Variants in SYN3 observed in about 807,000 individuals in gnomAD.
The protein encoded by SYN3 is synapsin-3.
In SYN3, 35 loss-of-function variants were observed where a neutral mutation model predicts 65.8. The ratio of observed to expected loss-of-function variants is 0.53; its 90% confidence interval spans 0.41 to 0.70. The LOEUF (loss-of-function observed/expected upper bound fraction) is 0.70. Ranked by LOEUF, SYN3 falls within the 30% of genes least tolerant of loss-of-function variation. The probability of loss-of-function intolerance (pLI) is 0.00; values close to 1 mark genes in which losing one functional copy is unlikely to be tolerated. For synonymous variants in SYN3, 270 were observed against 292.9 expected, an observed-to-expected ratio of 0.92 and a Z score of 0.80; for missense variants, 680 against 749.0, an observed-to-expected ratio of 0.91 and a Z score of 1.08.
intron 6 of SYN3, among the ~76,000 whole-genome samples, chr22:32,736,392 A>C (rs2061336878): frequency 6.6e-6 from 1 of 152,230 alleles, no homozygotes; most frequent in East Asian, 1.9e-4. Context: ...TTTGACACTC[A>C]TCTATGTTGC....
chr22:32,824,358 ATTT>A (rs130289), intron 6 of SYN3, among the ~76,000 whole-genome samples: 1 of 148,916 alleles, frequency 6.7e-6, no homozygotes, highest in African/African-American at 2.5e-5. Flanking sequence ...ACAGATTACT[ATTT>A]TTTTTTTGTT....
intron 7 of SYN3, among the ~76,000 whole-genome samples, chr22:32,560,565 G>GACATTGACGT (rs1250671713): frequency 6.6e-5 from 10 of 152,136 alleles, no homozygotes; most frequent in African/African-American, 1.9e-4. Context: ...CCTGAGGTGC[G>GACATTGACGT]ACATTGACGT....
At chr22:33,003,056 T>C (rs182501354) in intron 2 of SYN3, among the ~76,000 whole-genome samples, 586 of 152,330 alleles carry the variant, frequency 3.8e-3, no homozygotes, top group African/African-American at 0.013. Flanking sequence ...TGCCACCCTG[T>C]GAAGAGGTGG....
intron 6 of SYN3, among the ~76,000 whole-genome samples, chr22:32,603,544 A>G (rs1373149388): frequency 6.6e-6 from 1 of 151,316 alleles, no homozygotes; most frequent in Admixed American, 6.6e-5. Flanking sequence ...AAAGAAAAAA[A>G]AAAAAAAGAA....
intron 6 of SYN3, among the ~76,000 whole-genome samples, chr22:32,833,418 A>G (rs922559696): frequency 2.2e-4 from 34 of 152,184 alleles, no homozygotes; most frequent in Middle Eastern, 3.2e-3. Context: ...CCAAAGGAGA[A>G]TTTTTTTATA....
chr22:32,529,503 G>A (rs1211815532), intron 10 of SYN3, among the ~76,000 whole-genome samples: 2 of 152,196 alleles, frequency 1.3e-5, no homozygotes, highest in East Asian at 1.9e-4. Context: ...CCTGTTTTCC[G>A]AGGCCCTGGC....
At chr22:33,051,924 T>C (rs2054173234) in intron 1 of SYN3, among the ~76,000 whole-genome samples, 1 of 152,160 alleles carries the variant, frequency 6.6e-6, no homozygotes, top group Non-Finnish European at 1.5e-5. Flanking sequence ...GCGTGTATCT[T>C]CAGGGAGTAT....
In SYN3 at chr22:32,788,335, T is replaced by C. The variant is rs185522520; in HGVS notation, c.711+76580A>G. 3.2e-3 allele frequency among the ~76,000 whole-genome samples: 488 copies of C among 150,984 alleles called. 6 individuals carry two copies. Among genetic ancestry groups the C allele is most frequent in the African/African-American group, 0.011 (468 of 41,048 alleles). ...GATGGACGAATCACGAGGTCAGGAG[T>C]TCGAGACCAGACTGGCCAACATGAT... On this transcript the variant is annotated intron_variant, in intron 6 of 13. Coordinates refer to ENST00000358763, the MANE Select transcript of SYN3 (RefSeq NM_003490.4).
chr22:32,567,640 G>A (rs2058692333), intron 7 of SYN3, among the ~76,000 whole-genome samples: 2 of 152,152 alleles, frequency 1.3e-5, no homozygotes, highest in Non-Finnish European at 1.5e-5. Context: ...TGGTCGGGGA[G>A]AGGGTGGCTA....
intron 6 of SYN3, among the ~76,000 whole-genome samples, chr22:32,798,339 A>G (rs2046478519): frequency 6.6e-6 from 1 of 152,118 alleles, no homozygotes; most frequent in South Asian, 2.1e-4. Context: ...CAGTACAAGC[A>G]TGGGCCACAC....
chr22:32,914,132 C>T (rs1055738843), intron 4 of SYN3, among the ~76,000 whole-genome samples: 2 of 152,086 alleles, frequency 1.3e-5, no homozygotes, highest in African/African-American at 4.8e-5. Context: ...TTAACTTGTC[C>T]AATGTAAGTG....
chr22:32,752,079 A>C (rs927391562), intron 6 of SYN3, among the ~76,000 whole-genome samples: 1 of 152,212 alleles, frequency 6.6e-6, no homozygotes, highest in Non-Finnish European at 1.5e-5. Context: ...CTCCTAGAAC[A>C]GTGCCTGAAA....
At chr22:32,557,700 G>T (rs2058523655) in intron 7 of SYN3, among the ~76,000 whole-genome samples, 1 of 152,228 alleles carries the variant, frequency 6.6e-6, no homozygotes, top group Non-Finnish European at 1.5e-5. Flanking sequence ...GGAATTGGGA[G>T]GGGAGCCTCG....
chr22:32,527,461 G>A (rs1029718503), intron 12 of SYN3, among the ~76,000 whole-genome samples: 1 of 152,062 alleles, frequency 6.6e-6, no homozygotes, highest in African/African-American at 2.4e-5. Context: ...TTAGCTGGGC[G>A]TGGCGGTGTG....
intron 1 of SYN3, among the ~76,000 whole-genome samples, chr22:33,008,323 A>C (rs1158335149): frequency 6.6e-6 from 1 of 152,184 alleles, no homozygotes; most frequent in Non-Finnish European, 1.5e-5. Flanking sequence ...AAATGTATAT[A>C]CTGGTATAAT....
intron 6 of SYN3, among the ~76,000 whole-genome samples, chr22:32,728,655 T>A (rs987592240): frequency 6.6e-6 from 1 of 152,190 alleles, no homozygotes; most frequent in Non-Finnish European, 1.5e-5. Flanking sequence ...CATGAAAGTA[T>A]GACACAGATG....
In SYN3 at chr22:32,965,690, C is replaced by CGTT. The variant is rs557219196; in HGVS notation, c.369+14952_369+14954dup. Among the ~76,000 whole-genome samples, 137 of 151,700 alleles carry CGTT rather than the reference C, an allele frequency of 9.0e-4. 1 individual carries two copies. Among genetic ancestry groups the CGTT allele is most frequent in the African/African-American group, 1.4e-3 (59 of 41,378 alleles). Reference sequence around the variant, plus strand: ...AGGTAGAGATTCCATCTGGCTTTTTCGTTGTTGTTGTTGTTGTTGTTTTAT... The same window carrying CGTT: ...AGGTAGAGATTCCATCTGGCTTTTTCGTTGTTGTTGTTGTTGTTGTTGTTTTAT... On this transcript the variant is annotated intron_variant, in intron 3 of 13. Transcript: ENST00000358763.
chr22:32,761,449 G>C (rs1418014089), intron 6 of SYN3, among the ~76,000 whole-genome samples: 1 of 152,204 alleles, frequency 6.6e-6, no homozygotes, highest in Non-Finnish European at 1.5e-5. Context: ...CCCCAGGGCA[G>C]GTCACTCCTA....
chr22:32,785,994 A>AAAG (rs145422279), intron 6 of SYN3, among the ~76,000 whole-genome samples: 1,463 of 145,286 alleles, frequency 0.01, 26 homozygotes, highest in African/African-American at 0.034. Flanking sequence ...AAACCACTTC[A>AAAG]AAGAAGAAGA....
Sources: gnomAD v4.1 joint callset for allele counts (sites outside exome capture counted in the v4.1 genomes callset) on GRCh38, gnomAD v4.1.1 for gene constraint, MANE v1.5 for transcripts, NCBI Gene and HGNC (gene_info 2026-07-23, HGNC 2026-07-21) for gene names.